Variants in DMGDH observed in about 807,000 individuals in gnomAD.
The protein encoded by DMGDH is dimethylglycine dehydrogenase, mitochondrial.
In DMGDH, 76 loss-of-function variants were observed where a neutral mutation model predicts 95.2. That is an observed-to-expected ratio of 0.80 (90% CI 0.66 to 0.97). DMGDH has a LOEUF of 0.97. Ranked by LOEUF, DMGDH falls within the 50% of genes least tolerant of loss-of-function variation. The pLI is 0.00. For synonymous variants in DMGDH, 345 were observed against 377.6 expected (o/e 0.91, Z 1.00); for missense variants, 987 against 1,055.0 (o/e 0.94, Z 0.89).
At chr5:79,034,512 G>C (rs1754282999) in intron 7 of DMGDH, among the ~76,000 whole-genome samples, 1 of 152,144 alleles carries the variant, frequency 6.6e-6, no homozygotes, top group Non-Finnish European at 1.5e-5. Flanking sequence ...GTGGGTTTAT[G>C]TGTGGTTTAA....
chr5:79,025,885 C>T (rs1340993060), intron 13 of DMGDH, among the ~76,000 whole-genome samples: 3 of 152,072 alleles, frequency 2.0e-5, no homozygotes, highest in Non-Finnish European at 2.9e-5. Context: ...TGTTATTATG[C>T]GTAAAATAGA....
chr5:79,043,766 T>C (rs1171586508), intron 6 of DMGDH, among the ~76,000 whole-genome samples: 1 of 152,116 alleles, frequency 6.6e-6, no homozygotes, highest in African/African-American at 2.4e-5. Flanking sequence ...AAAGAGAAAC[T>C]ATAGTATCCC....
At chr5:79,037,297 T>C (rs1489687052) in intron 7 of DMGDH, among the ~76,000 whole-genome samples, 3 of 152,176 alleles carry the variant, frequency 2.0e-5, no homozygotes, top group South Asian at 2.1e-4. Flanking sequence ...AATGTGCATG[T>C]GACTAACCAC....
chr5:79,024,247 GCA>G (rs1411797948), intron 14 of DMGDH, 22 bp downstream of exon 14: 3 of 1,604,048 alleles, frequency 1.9e-6, no homozygotes, highest in Non-Finnish European at 2.6e-6. Flanking sequence ...TTTACTTCAA[GCA>G]CACTTTGGAA....
chr5:79,049,890 A>G (rs542985766), intron 5 of DMGDH, among the ~76,000 whole-genome samples: 69 of 152,352 alleles, frequency 4.5e-4, no homozygotes, highest in Admixed American at 9.1e-4. Context: ...AAATTCGGAA[A>G]TAACTAATTT....
chr5:79,039,822 C>A (rs1287314184), intron 7 of DMGDH, among the ~76,000 whole-genome samples: 3 of 152,080 alleles, frequency 2.0e-5, no homozygotes, highest in African/African-American at 7.2e-5. Flanking sequence ...ATCAATCATG[C>A]CTATGCAATG....
rs552679384 is a variant in DMGDH at position 79,032,049 on chromosome 5, T to C, written c.1517+638A>G. 5.9e-5 allele frequency among the ~76,000 whole-genome samples: 9 copies of C among 152,352 alleles called. No homozygotes were observed. In the East Asian group the frequency reaches 1.5e-3, roughly 26 times the overall value. ...ATAAGGATAATGTAACTTCTAAATT[T>C]GCAACTTGTTTTCCCTTGATCTGTG... is the stretch of plus-strand genomic sequence containing the variant. On this transcript the variant is annotated intron_variant, in intron 9 of 15. Transcript: ENST00000255189.
chr5:79,022,326 T>A (rs1337026254), intron 14 of DMGDH, among the ~76,000 whole-genome samples: 2 of 152,212 alleles, frequency 1.3e-5, no homozygotes, highest in African/African-American at 2.4e-5. Context: ...ATGGTCAAGT[T>A]ACAAAGCTTA....
chr5:79,032,854 A>T lies in DMGDH; in HGVS notation c.1364-14T>A. On this transcript the variant is annotated splice_polypyrimidine_tract_variant and intron_variant, in intron 8 of 15. Coordinates refer to ENST00000255189, the MANE Select transcript of DMGDH (RefSeq NM_013391.3). Reference sequence around the variant, plus strand: ...TAGGATAACCAACTGAAAAGGAAAAATTGGTACTTTAAATCACATATAGCC... The same window carrying T: ...TAGGATAACCAACTGAAAAGGAAAATTTGGTACTTTAAATCACATATAGCC... 6.2e-7 allele frequency: 1 copy of T among 1,614,026 alleles called. No homozygotes were observed.
intron 14 of DMGDH, among the ~76,000 whole-genome samples, chr5:79,008,465 T>A (rs1399506086): frequency 6.6e-6 from 1 of 152,180 alleles, no homozygotes; most frequent in African/African-American, 2.4e-5. Flanking sequence ...AACCAAGATC[T>A]CAGGAGGCCT....
chr5:79,003,357 G>A (rs1423180014), intron 15 of DMGDH, among the ~76,000 whole-genome samples: 1 of 152,144 alleles, frequency 6.6e-6, no homozygotes, highest in Non-Finnish European at 1.5e-5. Context: ...TGGCAGAGCT[G>A]GTTATAAGTA....
At chr5:79,053,441 C>T (rs1351341677) in intron 4 of DMGDH, among the ~76,000 whole-genome samples, 2 of 152,194 alleles carry the variant, frequency 1.3e-5, no homozygotes, top group African/African-American at 4.8e-5. Flanking sequence ...GCTGGGATTA[C>T]AGGAGTGAGC....
At chr5:79,040,692 A>T (rs1754484451) in intron 7 of DMGDH, among the ~76,000 whole-genome samples, 1 of 152,218 alleles carries the variant, frequency 6.6e-6, no homozygotes, top group Non-Finnish European at 1.5e-5. Context: ...ATGGGAGAAA[A>T]GTTCTGCAAA....
In DMGDH at chr5:78,998,775, G is replaced by A. The variant is rs1231504670; in HGVS notation, c.2386-478C>T. ...TGAAGCATGAGAATTGCTTGAACCC[G>A]GGAGGTGGAGGTTGCAGTGAGCTGA... On this transcript the variant is annotated intron_variant, in intron 15 of 15. Coordinates refer to ENST00000255189, the MANE Select transcript of DMGDH (RefSeq NM_013391.3). Among the ~76,000 whole-genome samples, 13 of 152,188 alleles carry A rather than the reference G, an allele frequency of 8.5e-5. 1 individual carries two copies. Among genetic ancestry groups the A allele is most frequent in the Admixed American group, 5.2e-4 (8 of 15,280 alleles).
intron 15 of DMGDH, 73 bp from the exon 16 acceptor site, chr5:78,998,370 AACTAAAAT>A: frequency 7.0e-7 from 1 of 1,438,796 alleles, no homozygotes; most frequent in Non-Finnish European, 9.6e-7. Context: ...GGTGAAAAAA[AACTAAAAT>A]ACAGATTCAA....
At chr5:79,041,033 C>G (rs2112643095) in intron 7 of DMGDH, among the ~76,000 whole-genome samples, 1 of 152,258 alleles carries the variant, frequency 6.6e-6, no homozygotes, top group East Asian at 1.9e-4. Context: ...TCTTGTCTCT[C>G]TCTCCATGTC....
intron 9 of DMGDH, among the ~76,000 whole-genome samples, chr5:79,032,291 G>A (rs1315247250): frequency 1.3e-5 from 2 of 152,190 alleles, no homozygotes; most frequent in African/African-American, 2.4e-5. Context: ...ATTTCAGGAT[G>A]AACAGAAAAT....
At chr5:79,062,609 C>G (rs542721) in intron 2 of DMGDH, among the ~76,000 whole-genome samples, 79,552 of 151,774 alleles carry the variant, frequency 0.52, 22,759 homozygotes, top group East Asian at 0.64. Flanking sequence ...GTGTCAATCC[C>G]TTCATCTACC....
At chr5:79,024,179 A>G (rs1471862066) in intron 14 of DMGDH, 92 bp downstream of exon 14, 1 of 1,128,638 alleles carries the variant, frequency 8.9e-7, no homozygotes, top group Non-Finnish European at 1.3e-6. Context: ...CCTATAATCC[A>G]TACTTGGTTA....
Sources: allele counts gnomAD v4.1 joint callset (sites outside exome capture counted in the v4.1 genomes callset), GRCh38; gene constraint gnomAD v4.1.1; transcripts MANE v1.5; gene names NCBI Gene and HGNC (gene_info 2026-07-23, HGNC 2026-07-21).